SLC27A6: variants seen among roughly 807,000 people sequenced by gnomAD.
SLC27A6 encodes long-chain fatty acid transport protein 6.
Under a neutral mutation model 63.9 loss-of-function variants are expected in SLC27A6, and 74 were observed. The ratio of observed to expected loss-of-function variants is 1.16; its 90% CI spans 0.96 to 1.40. SLC27A6 has a LOEUF of 1.40. SLC27A6 is among the 40% of genes most tolerant of loss of function. The probability of loss-of-function intolerance (pLI) is 0.00; values close to 1 mark genes in which losing one functional copy is unlikely to be tolerated. For missense variants in SLC27A6, 794 were observed against 732.9 expected, an observed-to-expected ratio of 1.08 and a Z score of -0.96; for synonymous variants, 287 against 260.8, an observed-to-expected ratio of 1.10 and a Z score of -0.97.
intron 1 of SLC27A6, among the ~76,000 whole-genome samples, chr5:128,974,508 C>T (rs989071821): frequency 6.6e-6 from 1 of 152,158 alleles, no homozygotes; most frequent in African/African-American, 2.4e-5. Flanking sequence ...CACTTTTATA[C>T]TTAAAATACT....
chr5:128,982,760 A>G (rs1033878854), intron 1 of SLC27A6, among the ~76,000 whole-genome samples: 1 of 152,198 alleles, frequency 6.6e-6, no homozygotes, highest in African/African-American at 2.4e-5. Flanking sequence ...TGCCAAAGCA[A>G]TCTATATACA....
chr5:128,986,575 T>A (rs73784806), intron 2 of SLC27A6, among the ~76,000 whole-genome samples: 1 of 151,916 alleles, frequency 6.6e-6, no homozygotes, highest in Admixed American at 6.6e-5. Flanking sequence ...AGAATATAAT[T>A]TTTTTTTACA....
At chr5:129,006,973 C>T (rs1352029290) in intron 4 of SLC27A6, among the ~76,000 whole-genome samples, 2 of 151,864 alleles carry the variant, frequency 1.3e-5, no homozygotes, top group Non-Finnish European at 2.9e-5. Context: ...TCATTATGTA[C>T]AGCAAAAAAT....
At chr5:128,976,455 A>C (rs574317787) in intron 1 of SLC27A6, among the ~76,000 whole-genome samples, 121 of 152,350 alleles carry the variant, frequency 7.9e-4, no homozygotes, top group Middle Eastern at 6.8e-3. Context: ...CGGAGTTTGC[A>C]GTGAGCTGAG....
chr5:128,965,828 T>G lies in SLC27A6; in HGVS notation c.-310T>G. 1 of 268,230 alleles carries G rather than the reference T, an allele frequency of 3.7e-6. No homozygotes were observed. The allele number at this position is 268,230 out of a possible 1,614,324, so 16.6% of individuals were successfully genotyped here. ...GGAGGCGAGGGCGCAGCGCTGGGGT[T>G]GTAGATTCCAAGACCCCTGAGGGTG... On this transcript the variant is annotated 5_prime_UTR_variant, in exon 1 of 10. Coordinates refer to ENST00000262462, the MANE Select transcript of SLC27A6 (RefSeq NM_001017372.3).
chr5:128,970,890 C>T (rs1029124681), intron 1 of SLC27A6, among the ~76,000 whole-genome samples: 3 of 151,956 alleles, frequency 2.0e-5, no homozygotes, highest in African/African-American at 7.2e-5. Flanking sequence ...CTCTTGTGGG[C>T]ATTTAGTGCT....
intron 4 of SLC27A6, among the ~76,000 whole-genome samples, chr5:129,010,865 G>A (rs2150147311): frequency 6.6e-6 from 1 of 152,264 alleles, no homozygotes; most frequent in African/African-American, 2.4e-5. Flanking sequence ...TTTCAGTTTT[G>A]TGAGTCCTGA....
chr5:128,981,932 G>T (rs1750606438), intron 1 of SLC27A6, among the ~76,000 whole-genome samples: 2 of 151,674 alleles, frequency 1.3e-5, no homozygotes, highest in Non-Finnish European at 2.9e-5. Flanking sequence ...ACCTGCCTCA[G>T]TCTCCTGAGT....
At chr5:128,974,360 C>T (rs371767630) in intron 1 of SLC27A6, among the ~76,000 whole-genome samples, 3 of 152,214 alleles carry the variant, frequency 2.0e-5, no homozygotes, top group Non-Finnish European at 2.9e-5. Flanking sequence ...TTGATTGGCT[C>T]GGTAAGTAGG....
intron 1 of SLC27A6, among the ~76,000 whole-genome samples, chr5:128,983,289 G>GTTTTTTTTTT (rs1195794733): frequency 9.0e-6 from 1 of 111,108 alleles, no homozygotes; most frequent in South Asian, 2.9e-4. Flanking sequence ...TCTGATCCGG[G>GTTTTTTTTTT]TTTTTTTTTT....
chr5:129,028,586 C>G (rs1024987763), intron 8 of SLC27A6, 144 bp downstream of exon 8: 3 of 549,310 alleles, frequency 5.5e-6, no homozygotes, highest in Non-Finnish European at 6.3e-6. Flanking sequence ...AAGTAATGCC[C>G]CTTGACCAAG....
At chr5:129,010,230 G>C (rs1276190392) in intron 4 of SLC27A6, among the ~76,000 whole-genome samples, 2 of 152,074 alleles carry the variant, frequency 1.3e-5, no homozygotes, top group East Asian at 1.9e-4. Context: ...ATTCATCTTT[G>C]TTTTGAGGTA....
At chr5:129,021,734 A>G (rs1050069503) in intron 5 of SLC27A6, among the ~76,000 whole-genome samples, 2 of 152,250 alleles carry the variant, frequency 1.3e-5, no homozygotes, top group Non-Finnish European at 2.9e-5. Flanking sequence ...GAGAATGGAA[A>G]TATTTCCAGT....
chr5:129,021,964 G>A (rs1016801591), intron 5 of SLC27A6, among the ~76,000 whole-genome samples: 4 of 152,086 alleles, frequency 2.6e-5, no homozygotes, highest in Admixed American at 6.6e-5. Context: ...AAGTCACTGG[G>A]CAAATTTTCC....
At position 129,030,013 on chromosome 5, in the gene SLC27A6, C is replaced by T. The variant is rs890556239; in HGVS notation, c.1683+306C>T. Among the ~76,000 whole-genome samples, 60 of 151,986 alleles carry T rather than the reference C, an allele frequency of 3.9e-4. 1 individual carries two copies. Among genetic ancestry groups the T allele is most frequent in the African/African-American group, 1.3e-3 (56 of 41,490 alleles). ...AAAACCACATCTTACTTTTATCTTG[C>T]GAAGACATTTGGTGCTATGTGCCTA... On this transcript the variant is annotated intron_variant, in intron 9 of 9. Coordinates refer to ENST00000262462, the MANE Select transcript of SLC27A6 (RefSeq NM_001017372.3).
At chr5:128,969,145 C>T (rs1318435552) in intron 1 of SLC27A6, among the ~76,000 whole-genome samples, 1 of 152,120 alleles carries the variant, frequency 6.6e-6, no homozygotes, top group Non-Finnish European at 1.5e-5. Flanking sequence ...GTACTAGTAC[C>T]ATGCTGTTTT....
intron 4 of SLC27A6, among the ~76,000 whole-genome samples, chr5:128,997,965 G>C (rs17699621): frequency 6.6e-6 from 1 of 151,848 alleles, no homozygotes; most frequent in Non-Finnish European, 1.5e-5. Flanking sequence ...CAAGGAAGCC[G>C]AATACAAATG....
chr5:128,997,487 A>C (rs1228237478), intron 4 of SLC27A6, among the ~76,000 whole-genome samples: 6 of 152,220 alleles, frequency 3.9e-5, no homozygotes, highest in African/African-American at 1.2e-4. Context: ...ACAAGGGGCT[A>C]ACATAAATAG....
intron 4 of SLC27A6, among the ~76,000 whole-genome samples, chr5:128,994,601 T>A (rs1007689629): frequency 7.2e-5 from 11 of 152,202 alleles, no homozygotes; most frequent in African/African-American, 2.7e-4. Flanking sequence ...TCCAGGTCCT[T>A]ACCTTCAAAG....
Sources: allele counts gnomAD v4.1 joint callset (sites outside exome capture counted in the v4.1 genomes callset), GRCh38; gene constraint gnomAD v4.1.1; transcripts MANE v1.5; gene names NCBI Gene and HGNC (gene_info 2026-07-23, HGNC 2026-07-21).